The following HDAC8 variants were observed in gnomAD, a reference collection of about 807,000 sequenced individuals.
HDAC8 encodes the protein histone deacetylase 8.
A neutral mutation model predicts 32.2 loss-of-function variants in HDAC8; 1 was observed. The observed-to-expected ratio is 0.03, with a 90% CI of 0.01 to 0.15. HDAC8 has a LOEUF of 0.15. Among genes scored for constraint, HDAC8 ranks in the 10% least tolerant of loss-of-function variants. The probability of loss-of-function intolerance (pLI) is 1.00; values close to 1 mark genes in which losing one functional copy is unlikely to be tolerated. For synonymous variants in HDAC8, 108 were observed against 113.9 expected (o/e 0.95, Z 0.33); for missense variants, 117 against 300.0 (o/e 0.39, Z 4.51).
At chrX:72,530,089 G>A (rs1375526629) in intron 4 of HDAC8, among the ~76,000 whole-genome samples, 1 of 112,154 alleles carries the variant, frequency 8.9e-6, no homozygotes, top group Non-Finnish European at 1.9e-5. Context: ...GTCTCAGTTA[G>A]TTCTTTATAA....
At chrX:72,506,081 G>T (rs782713550) in intron 4 of HDAC8, among the ~76,000 whole-genome samples, 4 of 111,811 alleles carry the variant, frequency 3.6e-5, no homozygotes, top group African/African-American at 1.3e-4. Context: ...AGGCAGCCCT[G>T]CAAGCTAAAC....
At chrX:72,505,191 G>T (rs1010851301) in intron 4 of HDAC8, among the ~76,000 whole-genome samples, 5 of 110,926 alleles carry the variant, frequency 4.5e-5, no homozygotes, top group Non-Finnish European at 9.4e-5. Context: ...GATTCTGCAG[G>T]TTGTTGTTTC....
chrX:72,432,315 C>T (rs1481622903), intron 9 of HDAC8, among the ~76,000 whole-genome samples: 1 of 110,657 alleles, frequency 9.0e-6, no homozygotes, highest in Non-Finnish European at 1.9e-5. Context: ...GGTACCTCTC[C>T]TGTTAAAAGC....
chrX:72,409,226 G>C (rs2046127628), intron 9 of HDAC8, among the ~76,000 whole-genome samples: 1 of 112,013 alleles, frequency 8.9e-6, no homozygotes, highest in Non-Finnish European at 1.9e-5. Flanking sequence ...TGTCTAATTA[G>C]ACTCCTAACA....
intron 2 of HDAC8, 32 bp from the exon 3 acceptor site, chrX:72,568,916 A>C (rs1556143015): frequency 8.4e-7 from 1 of 1,192,352 alleles, no homozygotes; most frequent in South Asian, 1.9e-5. Context: ...AAGAGAGGTC[A>C]GTGAGTCAGA....
chrX:72,474,488 C>T lies in HDAC8; in HGVS notation c.738-9757G>A, dbSNP rs1376613270. 20 of 1,061,086 alleles carry T rather than the reference C, an allele frequency of 1.9e-5. No homozygotes were observed. The African/African-American group carries it at 3.3e-4, about 18-fold the overall frequency. 87.4% of individuals were successfully genotyped at this position (1,061,086 alleles called of 1,213,427 possible). A position where few individuals can be genotyped will look rare whatever the true frequency, so the allele number is the denominator to read the frequency against. On this transcript the variant is annotated intron_variant, in intron 7 of 10. Coordinates refer to ENST00000373573, the MANE Select transcript of HDAC8 (RefSeq NM_018486.3). ...GCTACACTGCAAATCATTAATTTTT[C>T]GTTTTGTGAAAGTATAAAATCTCTT...
At chrX:72,345,627 GCTGT>G (rs1326829636) in intron 10 of HDAC8, among the ~76,000 whole-genome samples, 2 of 111,306 alleles carry the variant, frequency 1.8e-5, no homozygotes, top group African/African-American at 6.5e-5. Context: ...CTTAAAAGTT[GCTGT>G]CTAAGTTACT....
intron 4 of HDAC8, among the ~76,000 whole-genome samples, chrX:72,519,192 TG>T (rs1556027071): frequency 1.8e-5 from 2 of 112,397 alleles, no homozygotes; most frequent in Non-Finnish European, 3.8e-5. Context: ...TCTCACATTT[TG>T]TTTATACATC....
intron 10 of HDAC8, among the ~76,000 whole-genome samples, chrX:72,350,426 C>T (rs1305153690): frequency 9.0e-6 from 1 of 111,449 alleles, no homozygotes. Flanking sequence ...AAAGACTCTC[C>T]GAGTGTAGTG....
intron 10 of HDAC8, among the ~76,000 whole-genome samples, chrX:72,341,444 A>G (rs1555945061): frequency 8.9e-6 from 1 of 112,205 alleles, no homozygotes; most frequent in East Asian, 2.8e-4. Flanking sequence ...GTGTAAGACC[A>G]CAGTTGCTGG....
intron 8 of HDAC8, among the ~76,000 whole-genome samples, chrX:72,462,645 G>A (rs1264037865): frequency 1.8e-5 from 2 of 111,907 alleles, no homozygotes; most frequent in Non-Finnish European, 1.9e-5. Flanking sequence ...TGGTGGCAGA[G>A]ATCAAAGAGA....
chrX:72,417,860 T>C (rs1457537042), intron 9 of HDAC8, among the ~76,000 whole-genome samples: 2 of 111,607 alleles, frequency 1.8e-5, no homozygotes, highest in Non-Finnish European at 3.8e-5. Flanking sequence ...GGTACTGGTA[T>C]AAAAACAGAC....
chrX:72,461,900 C>G, intron 9 of HDAC8, 104 bp downstream of exon 9: 1 of 549,114 alleles, frequency 1.8e-6, no homozygotes, highest in Non-Finnish European at 3.1e-6. Flanking sequence ...ATTGAAGTGT[C>G]TCTCAACAAA....
chrX:72,514,101 C>A (rs782710215), intron 4 of HDAC8, among the ~76,000 whole-genome samples: 1 of 112,254 alleles, frequency 8.9e-6, no homozygotes, highest in Non-Finnish European at 1.9e-5. Flanking sequence ...TACTGAAACT[C>A]AGAAGGTAAT....
chrX:72,555,882 C>T (rs1256722487), intron 4 of HDAC8, among the ~76,000 whole-genome samples: 1 of 112,200 alleles, frequency 8.9e-6, no homozygotes, highest in Non-Finnish European at 1.9e-5. Context: ...AGCTCGACAT[C>T]CAAATACAAG....
chrX:72,354,430 C>G (rs1326359287), intron 9 of HDAC8, among the ~76,000 whole-genome samples: 2 of 112,610 alleles, frequency 1.8e-5, no homozygotes, highest in Non-Finnish European at 3.7e-5. Flanking sequence ...CCTGCAGTGT[C>G]CAACTCAAGT....
At chrX:72,345,325 T>C (rs2984291) in intron 10 of HDAC8, among the ~76,000 whole-genome samples, 54,511 of 109,972 alleles carry the variant, frequency 0.5, 12,713 homozygotes, top group East Asian at 0.97. Flanking sequence ...GAGATGGATG[T>C]TGAGTAGGTG....
At chrX:72,351,652 G>A in intron 10 of HDAC8, 81 bp downstream of exon 10, 1 of 626,986 alleles carries the variant, frequency 1.6e-6, no homozygotes, top group Non-Finnish European at 2.6e-6. Context: ...AAAGGCAAAT[G>A]GTATTTAAGG....
chrX:72,373,181 G>A (rs1174651214), intron 9 of HDAC8, among the ~76,000 whole-genome samples: 2 of 112,618 alleles, frequency 1.8e-5, no homozygotes, highest in Non-Finnish European at 3.7e-5. Context: ...CTTTAGACCA[G>A]GAGTTGACAA....
Sources: gnomAD v4.1 joint callset for allele counts (sites outside exome capture counted in the v4.1 genomes callset) on GRCh38, gnomAD v4.1.1 for gene constraint, MANE v1.5 for transcripts, NCBI Gene and HGNC (gene_info 2026-07-23, HGNC 2026-07-21) for gene names.